The following SH3RF3 variants were observed in gnomAD, a reference collection of about 807,000 sequenced individuals.
SH3RF3 encodes the protein SH3 domain containing ring finger 3.
A neutral mutation model predicts 66.3 loss-of-function variants in SH3RF3; 29 were observed. The ratio of observed to expected loss-of-function variants is 0.44; its 90% CI spans 0.33 to 0.60. SH3RF3 has a LOEUF of 0.60. Among genes scored for constraint, SH3RF3 ranks in the 20% least tolerant of loss-of-function variants. The pLI, the probability that SH3RF3 is intolerant of heterozygous loss-of-function variation, is 0.04. For synonymous variants in SH3RF3, 583 were observed against 532.0 expected (o/e 1.10, Z -1.32); for missense variants, 1,194 against 1,190.9 (o/e 1.00, Z -0.04).
chr2:109,419,194 G>C (rs1676805048), intron 4 of SH3RF3, among the ~76,000 whole-genome samples: 1 of 151,628 alleles, frequency 6.6e-6, no homozygotes, highest in Non-Finnish European at 1.5e-5. Flanking sequence ...ATTTTGTGTG[G>C]GTTTTTTTTA....
chr2:109,372,561 A>G (rs1388336440), intron 3 of SH3RF3, among the ~76,000 whole-genome samples: 2 of 152,220 alleles, frequency 1.3e-5, no homozygotes, highest in African/African-American at 4.8e-5. Flanking sequence ...TATGAAAACC[A>G]TGAATGGCCC....
At chr2:109,205,472 A>T (rs938454633) in intron 1 of SH3RF3, among the ~76,000 whole-genome samples, 1 of 151,834 alleles carries the variant, frequency 6.6e-6, no homozygotes, top group East Asian at 1.9e-4. Flanking sequence ...CTGGTCTTGA[A>T]CTCCTGACCT....
At chr2:109,461,390 G>T (rs1422723557) in intron 8 of SH3RF3, among the ~76,000 whole-genome samples, 1 of 151,914 alleles carries the variant, frequency 6.6e-6, no homozygotes, top group Non-Finnish European at 1.5e-5. Context: ...GACCTGCGCG[G>T]TGATCCACCT....
At chr2:109,351,804 C>G (rs1682844770) in intron 2 of SH3RF3, among the ~76,000 whole-genome samples, 1 of 152,244 alleles carries the variant, frequency 6.6e-6, no homozygotes, top group African/African-American at 2.4e-5. Context: ...ACTGTGCTGT[C>G]CTAACCCTCA....
chr2:109,206,172 C>T (rs1391794006), intron 1 of SH3RF3, among the ~76,000 whole-genome samples: 1 of 152,092 alleles, frequency 6.6e-6, no homozygotes, highest in African/African-American at 2.4e-5. Context: ...GGACACAGCA[C>T]TATATTTTTA....
At chr2:109,437,369 T>A (rs1677434440) in intron 7 of SH3RF3, among the ~76,000 whole-genome samples, 1 of 151,038 alleles carries the variant, frequency 6.6e-6, no homozygotes, top group African/African-American at 2.4e-5. Context: ...GGTAAGCACA[T>A]CTTGTCATGC....
intron 1 of SH3RF3, among the ~76,000 whole-genome samples, chr2:109,272,125 G>A (rs920442991): frequency 2.0e-5 from 3 of 152,166 alleles, no homozygotes; most frequent in African/African-American, 4.8e-5. Flanking sequence ...GCCAGCTGTC[G>A]GAGCTGGACT....
chr2:109,361,971 TTTGCTTGCTAGAAGCATATGATTTTTA>T, intron 2 of SH3RF3, among the ~76,000 whole-genome samples: 1 of 152,300 alleles, frequency 6.6e-6, no homozygotes, highest in East Asian at 1.9e-4. Context: ...TTTTTCTTAG[TTTGCTTGCTAGAAGCATATGATTTTTA>T]TTGATCTTTT....
intron 2 of SH3RF3, among the ~76,000 whole-genome samples, chr2:109,368,735 A>AGAAAGAAC (rs1683199544): frequency 6.7e-6 from 1 of 150,082 alleles, no homozygotes; most frequent in African/African-American, 2.4e-5. Flanking sequence ...AAAAAGAAAA[A>AGAAAGAAC]GAAAGAACGA....
At chr2:109,442,300 G>C (rs922252922) in intron 7 of SH3RF3, among the ~76,000 whole-genome samples, 1 of 135,778 alleles carries the variant, frequency 7.4e-6, no homozygotes, top group Non-Finnish European at 1.5e-5. Flanking sequence ...AACGGAGTGA[G>C]ACTCCACCTC....
chr2:109,418,331 C>T (rs558932680), intron 4 of SH3RF3, among the ~76,000 whole-genome samples: 53 of 152,244 alleles, frequency 3.5e-4, no homozygotes, highest in African/African-American at 9.4e-4. Context: ...AGAGCAGTAC[C>T]ACAAACTAGG....
At chr2:109,453,019 C>T (rs1412769178) in intron 8 of SH3RF3, among the ~76,000 whole-genome samples, 5 of 151,742 alleles carry the variant, frequency 3.3e-5, no homozygotes, top group South Asian at 2.1e-4. Flanking sequence ...AACTGGTCCC[C>T]GGGAGGCTGG....
intron 1 of SH3RF3, among the ~76,000 whole-genome samples, chr2:109,174,838 T>C (rs1380099919): frequency 1.3e-5 from 2 of 152,326 alleles, no homozygotes; most frequent in South Asian, 2.1e-4. Flanking sequence ...AGGGATAGGA[T>C]AGCAGGAGCA....
chr2:109,448,380 G>A (rs749167981), intron 7 of SH3RF3, among the ~76,000 whole-genome samples: 19 of 152,188 alleles, frequency 1.2e-4, no homozygotes, highest in Non-Finnish European at 2.8e-4. Flanking sequence ...GGTCTGTTAG[G>A]AACTGGGCTG....
chr2:109,266,511 A>T (rs961590146), intron 1 of SH3RF3, among the ~76,000 whole-genome samples: 9 of 151,790 alleles, frequency 5.9e-5, no homozygotes, highest in African/African-American at 1.7e-4. Context: ...ACTGCCTTCA[A>T]CTCTCATTGT....
At chr2:109,130,163 G>A (rs1462412426) in intron 1 of SH3RF3, 50 bp downstream of exon 1, 1 of 1,261,812 alleles carries the variant, frequency 7.9e-7, no homozygotes, top group Non-Finnish European at 1.0e-6. Flanking sequence ...GAGTGTGTGG[G>A]TGGGTGCTTG....
intron 1 of SH3RF3, among the ~76,000 whole-genome samples, chr2:109,157,533 T>C (rs1677376107): frequency 6.6e-6 from 1 of 152,292 alleles, no homozygotes; most frequent in South Asian, 2.1e-4. Context: ...TCTCATTGGG[T>C]CTTCAAGAAC....
At chr2:109,363,867 C>T (rs929223760) in intron 2 of SH3RF3, among the ~76,000 whole-genome samples, 1 of 152,152 alleles carries the variant, frequency 6.6e-6, no homozygotes, top group Non-Finnish European at 1.5e-5. Flanking sequence ...GTTTTTTCCC[C>T]TCTGACTTCT....
intron 1 of SH3RF3, among the ~76,000 whole-genome samples, chr2:109,272,974 T>A (rs536250059): frequency 6.6e-6 from 1 of 152,322 alleles, no homozygotes; most frequent in African/African-American, 2.4e-5. Context: ...CCTATTAAGC[T>A]ACTGGAAGAA....
Sources: allele counts gnomAD v4.1 joint callset (sites outside exome capture counted in the v4.1 genomes callset), GRCh38; gene constraint gnomAD v4.1.1; transcripts MANE v1.5; gene names NCBI Gene and HGNC (gene_info 2026-07-23, HGNC 2026-07-21).